Variants in PCF11 observed in about 807,000 individuals in gnomAD.
PCF11 encodes the protein pre-mRNA cleavage complex 2 protein Pcf11.
Under a neutral mutation model 166.1 loss-of-function variants are expected in PCF11, and 19 were observed. That is an observed-to-expected ratio of 0.11 (90% CI 0.08 to 0.17). The LOEUF (loss-of-function observed/expected upper bound fraction) is 0.17. PCF11 is among the 10% of genes least tolerant of loss of function. The pLI is 1.00. For missense variants in PCF11, 1,565 were observed against 1,855.5 expected (o/e 0.84, Z 2.88); for synonymous variants, 663 against 644.1 (o/e 1.03, Z -0.44).
exon 5 of PCF11, chr11:83,166,303 C>G (rs1565153463): frequency 6.2e-7 from 1 of 1,613,496 alleles, no homozygotes; most frequent in East Asian, 2.2e-5. Context: ...AAACAGGGGA[C>G]AAAACCAGGG....
At position 83,167,527 on chromosome 11, in the gene PCF11, G is replaced by A. The variant is rs1394108117; in HGVS notation, c.2092+22G>A. The A allele has an allele frequency of 3.1e-6, 5 of 1,607,400 alleles. No homozygotes were observed. Among genetic ancestry groups the A allele is most frequent in the East Asian group, 2.2e-5 (1 of 44,748 alleles). On this transcript the variant is annotated intron_variant, in intron 7 of 15. Transcript: ENST00000298281. This position sits in a 1 kb window ranked among gnomAD's most constrained non-coding sequence, Gnocchi z 4.2. Reference sequence around the variant, plus strand: ...GAAGGTAAACATAGATGCAATGTACGGGATAGTCCTACAGAAGAAAATAAA... The same window carrying A: ...GAAGGTAAACATAGATGCAATGTACAGGATAGTCCTACAGAAGAAAATAAA...
At chr11:83,179,853 G>A (rs1177750611) in intron 11 of PCF11, among the ~76,000 whole-genome samples, 1 of 152,046 alleles carries the variant, frequency 6.6e-6, no homozygotes, top group Non-Finnish European at 1.5e-5. Context: ...AGGAGGCGGA[G>A]GCTTTAGTGA....
Position 83,182,013 on chromosome 11 carries a change from A to G in PCF11, c.4323+4A>G, listed in dbSNP as rs1174690692. ...TGGACCAGCTGGAGCAGTTGAGGTG[A>G]GAGAAGAACGTTTAAGTTTTCTCAC... On this transcript the variant is annotated splice_donor_region_variant and intron_variant, in intron 13 of 15. Coordinates refer to ENST00000298281, the Ensembl canonical transcript of PCF11. 6.3e-7 allele frequency: 1 copy of G among 1,593,934 alleles called. No individual in the cohort carries two copies.
chr11:83,177,191 T>C (rs1157506100), exon 10 of PCF11: 2 of 1,558,348 alleles, frequency 1.3e-6, no homozygotes, highest in Non-Finnish European at 1.7e-6. Flanking sequence ...CCCAAACTGA[T>C]TCAGCTACAA....
exon 8 of PCF11, chr11:83,168,602 G>C: frequency 3.1e-6 from 5 of 1,613,838 alleles, no homozygotes; most frequent in Non-Finnish European, 4.2e-6. Flanking sequence ...GATGGACCTA[G>C]TAGGCCATCA....
chr11:83,185,990 A>G (rs925616733), exon 16 of PCF11: 3 of 152,308 alleles, frequency 2.0e-5, no homozygotes, highest in African/African-American at 7.2e-5. Context: ...TGTGGCAGGC[A>G]CTAGCACTTT....
chr11:83,182,065 T>C (rs1861104450), intron 13 of PCF11, 56 bp downstream of exon 13: 1 of 1,402,142 alleles, frequency 7.1e-7, no homozygotes, highest in South Asian at 1.3e-5. Flanking sequence ...ACTTCCTTTA[T>C]GTAAATACTC....
exon 5 of PCF11, chr11:83,166,033 C>T (rs1860440018): frequency 7.5e-6 from 12 of 1,602,194 alleles, no homozygotes; most frequent in African/African-American, 1.4e-5. Flanking sequence ...AACAAATTAT[C>T]TCACACAAAA....
intron 15 of PCF11, 73 bp downstream of exon 15, chr11:83,183,146 A>G (rs1861140971): frequency 1.2e-6 from 1 of 809,178 alleles, no homozygotes; most frequent in South Asian, 1.7e-5. Flanking sequence ...TTTTTTTTGC[A>G]TCAGAGCAAT....
chr11:83,164,942 C>A lies in PCF11; in HGVS notation c.702+541C>A, dbSNP rs11233499. 5.6e-4 allele frequency among the ~76,000 whole-genome samples: 85 copies of A among 152,292 alleles called. 1 individual carries two copies. In the East Asian group the frequency reaches 0.015, roughly 27 times the overall value. ...GTTAGATTGCTATCTTATAAAATAG[C>A]ATCTTAATTTTGTTTAATCATTACA... is the stretch of plus-strand genomic sequence containing the variant. On this transcript the variant is annotated intron_variant, in intron 4 of 15. Coordinates refer to ENST00000298281, the Ensembl canonical transcript of PCF11.
chr11:83,166,102 C>G, exon 5 of PCF11: 1 of 1,609,832 alleles, frequency 6.2e-7, no homozygotes, highest in Non-Finnish European at 8.5e-7. Flanking sequence ...AAGAGAGATC[C>G]AAGATTAAAA....
intron 15 of PCF11, 113 bp from the exon 16 acceptor site, chr11:83,184,566 A>AT (rs1485318632): frequency 1.4e-6 from 1 of 696,456 alleles, no homozygotes; most frequent in African/African-American, 1.8e-5. Context: ...TTTCATTTGC[A>AT]TTTGGTTGTA....
chr11:83,157,356 G>A (rs988320790), exon 1 of PCF11: 2 of 1,255,598 alleles, frequency 1.6e-6, no homozygotes, highest in African/African-American at 2.9e-5. Context: ...GCCGGGGAGA[G>A]GAAGAGGAGT....
chr11:83,165,837 A>G (rs373173039), exon 5 of PCF11: 45 of 1,608,958 alleles, frequency 2.8e-5, no homozygotes, highest in Non-Finnish European at 3.6e-5. Context: ...TCAGAGTCAC[A>G]GGAAAGAATT....
intron 8 of PCF11, among the ~76,000 whole-genome samples, chr11:83,170,979 GTACT>G (rs1210339464): frequency 6.6e-6 from 1 of 152,128 alleles, no homozygotes; most frequent in Non-Finnish European, 1.5e-5. Context: ...CTCTAGAATG[GTACT>G]TACTTAGTCT....
chr11:83,157,508 G>A, exon 1 of PCF11: 1 of 1,613,840 alleles, frequency 6.2e-7, no homozygotes. Context: ...GGGATTATCA[G>A]TCATCGCTCG....
chr11:83,168,843 C>T (rs1378257500), exon 8 of PCF11: 2 of 1,613,388 alleles, frequency 1.2e-6, no homozygotes, highest in Non-Finnish European at 8.5e-7. Context: ...GGTTTGAGGG[C>T]CCAATTGGTC....
chr11:83,161,525 G>A, intron 2 of PCF11, 73 bp downstream of exon 2: 5 of 1,218,940 alleles, frequency 4.1e-6, no homozygotes, highest in Non-Finnish European at 5.6e-6. Context: ...TATTTGCTTT[G>A]TGTTGGGTTT....
chr11:83,182,505 CT>C lies in PCF11; in HGVS notation c.4416+17del, dbSNP rs1861116184. On this transcript the variant is annotated intron_variant, in intron 14 of 15. Transcript: ENST00000298281. Reference sequence around the variant, plus strand: ...GTAGATGGAAAGGTAATTTTCATTTCTTTATAAGGAAGTGTTAAGATTAGTG... The same window carrying C: ...GTAGATGGAAAGGTAATTTTCATTTCTTATAAGGAAGTGTTAAGATTAGTG... The C allele has an allele frequency of 1.6e-6, 2 of 1,240,486 alleles. No homozygotes were observed. Among genetic ancestry groups the C allele is most frequent in the Non-Finnish European group, 2.4e-6 (2 of 844,148 alleles). 76.8% of individuals were successfully genotyped at this position (1,240,486 alleles called of 1,614,324 possible). A position where few individuals can be genotyped will look rare whatever the true frequency, so the allele number is the denominator to read the frequency against.
Sources: gnomAD v4.1 joint callset for allele counts (sites outside exome capture counted in the v4.1 genomes callset) on GRCh38, gnomAD v4.1.1 for gene constraint, Gnocchi (gnomAD v3.1) non-coding constraint, MANE v1.5 for transcripts, NCBI Gene and HGNC (gene_info 2026-07-23, HGNC 2026-07-21) for gene names.